Variants in BMP6 observed in about 807,000 individuals in gnomAD.
BMP6 encodes the protein VG-1-R.
BMP6 carries 17 observed loss-of-function variants against 54.1 expected under a neutral mutation model. The observed-to-expected ratio is 0.31, with a 90% CI of 0.22 to 0.47. The LOEUF (loss-of-function observed/expected upper bound fraction) is 0.47, where lower values mean the gene tolerates loss of function less well. Ranked by LOEUF, BMP6 falls within the 20% of genes least tolerant of loss-of-function variation. BMP6 has a pLI of 1.00. For missense variants in BMP6, 720 were observed against 690.4 expected, an observed-to-expected ratio of 1.04 and a Z score of -0.48; for synonymous variants, 328 against 291.2, an observed-to-expected ratio of 1.13 and a Z score of -1.28.
At position 7,813,111 on chromosome 6, in the gene BMP6, ATATATATATATATATATATATAT is replaced by A. The variant is rs1758462589; in HGVS notation, c.665-32028_665-32006del. Among the ~76,000 whole-genome samples the A allele has an allele frequency of 2.2e-4, 9 of 40,222 alleles. 1 individual carries two copies. The highest frequency in any genetic ancestry group is 1.3e-4 in the Non-Finnish European group (3 of 22,318). The allele number at this position is 40,222 out of a possible 152,430, so 26.4% of individuals were successfully genotyped here. On this transcript the variant is annotated intron_variant, in intron 1 of 6. Transcript: ENST00000283147. ...CAAAAAAAAAAAAAAAAAAAAAAAT[ATATATATATATATATATATATAT>A]ATATATATATATATAAAATTAGTGG...
intron 1 of BMP6, among the ~76,000 whole-genome samples, chr6:7,768,554 G>T (rs1434686077): frequency 2.0e-5 from 3 of 152,108 alleles, no homozygotes; most frequent in African/African-American, 7.2e-5. Context: ...CTGAGCATGG[G>T]TCTCAAGCCT....
intron 1 of BMP6, among the ~76,000 whole-genome samples, chr6:7,838,921 G>A (rs1758920722): frequency 7.4e-6 from 1 of 135,594 alleles, no homozygotes; most frequent in African/African-American, 2.8e-5. Context: ...CAGCCTGGGT[G>A]ACAGAGCGAG....
At chr6:7,746,148 G>A (rs1340654911) in intron 1 of BMP6, among the ~76,000 whole-genome samples, 3 of 152,146 alleles carry the variant, frequency 2.0e-5, no homozygotes, top group Non-Finnish European at 4.4e-5. Context: ...ATGGTGCTGC[G>A]GGAGCCCTGA....
intron 1 of BMP6, among the ~76,000 whole-genome samples, chr6:7,781,813 A>G (rs1337142697): frequency 2.6e-5 from 4 of 151,620 alleles, no homozygotes; most frequent in South Asian, 2.1e-4. Flanking sequence ...CAGAGGCCCC[A>G]TGTCAGTGGG....
chr6:7,741,324 G>A (rs1319619888), intron 1 of BMP6, among the ~76,000 whole-genome samples: 2 of 151,968 alleles, frequency 1.3e-5, no homozygotes, highest in Non-Finnish European at 2.9e-5. Flanking sequence ...TAGAGACAGG[G>A]CCTCTCTGTC....
At chr6:7,748,053 G>A (rs1252250540) in intron 1 of BMP6, among the ~76,000 whole-genome samples, 1 of 152,132 alleles carries the variant, frequency 6.6e-6, no homozygotes, top group African/African-American at 2.4e-5. Flanking sequence ...TTTATACAGG[G>A]CTTTGTTCCC....
At chr6:7,857,413 G>A (rs1441950162) in intron 2 of BMP6, among the ~76,000 whole-genome samples, 2 of 152,176 alleles carry the variant, frequency 1.3e-5, no homozygotes, top group East Asian at 3.9e-4. Flanking sequence ...CAAATGTAGG[G>A]TCTGAGTTAG....
intron 1 of BMP6, among the ~76,000 whole-genome samples, chr6:7,773,992 C>T (rs1757825817): frequency 6.6e-6 from 1 of 152,236 alleles, no homozygotes; most frequent in African/African-American, 2.4e-5. Flanking sequence ...ACCATCACCT[C>T]TGTTATTTCC....
chr6:7,784,524 G>T (rs1185833411), intron 1 of BMP6, among the ~76,000 whole-genome samples: 1 of 152,122 alleles, frequency 6.6e-6, no homozygotes, highest in Non-Finnish European at 1.5e-5. Flanking sequence ...GCAAAATAAA[G>T]CTTCTCTGTG....
At chr6:7,756,243 A>G (rs1757513173) in intron 1 of BMP6, among the ~76,000 whole-genome samples, 1 of 151,922 alleles carries the variant, frequency 6.6e-6, no homozygotes, top group Non-Finnish European at 1.5e-5. Context: ...GCAAGTTTCT[A>G]TTGCTAAGAC....
intron 1 of BMP6, among the ~76,000 whole-genome samples, chr6:7,837,430 T>C (rs900494514): frequency 1.5e-4 from 23 of 152,080 alleles, no homozygotes; most frequent in Non-Finnish European, 5.9e-5. Flanking sequence ...GAAACAACCA[T>C]AGATAGAGCA....
chr6:7,747,851 G>T (rs1358336166), intron 1 of BMP6, among the ~76,000 whole-genome samples: 1 of 150,902 alleles, frequency 6.6e-6, no homozygotes, highest in Admixed American at 6.6e-5. Flanking sequence ...TCTCCATGTT[G>T]CCCAGGCTGG....
intron 1 of BMP6, among the ~76,000 whole-genome samples, chr6:7,829,118 C>T (rs1294153321): frequency 1.3e-5 from 2 of 152,212 alleles, no homozygotes; most frequent in African/African-American, 2.4e-5. Flanking sequence ...ATAGCCCCAT[C>T]GTCATGGTCA....
At chr6:7,815,474 T>A (rs148332826) in intron 1 of BMP6, among the ~76,000 whole-genome samples, 1,571 of 152,348 alleles carry the variant, frequency 0.01, 23 homozygotes, top group African/African-American at 0.036. Flanking sequence ...AAAAAGCTTA[T>A]CACTGTGCTT....
intron 2 of BMP6, among the ~76,000 whole-genome samples, chr6:7,853,159 T>C (rs1195659709): frequency 6.6e-6 from 1 of 152,158 alleles, no homozygotes; most frequent in African/African-American, 2.4e-5. Context: ...TTGACCCATC[T>C]AGTGTTGCCT....
intron 1 of BMP6, among the ~76,000 whole-genome samples, chr6:7,785,509 G>C (rs559769554): frequency 6.6e-6 from 1 of 152,162 alleles, no homozygotes; most frequent in Admixed American, 6.5e-5. Flanking sequence ...TGGGAAAGGC[G>C]TCCTTCACTG....
At chr6:7,828,402 C>T (rs1008689394) in intron 1 of BMP6, among the ~76,000 whole-genome samples, 1 of 152,236 alleles carries the variant, frequency 6.6e-6, no homozygotes, top group African/African-American at 2.4e-5. Flanking sequence ...GATGTTCGTG[C>T]ACCCTGCGGT....
intron 1 of BMP6, among the ~76,000 whole-genome samples, chr6:7,816,373 G>A (rs767959172): frequency 3.3e-5 from 5 of 152,118 alleles, no homozygotes; most frequent in Non-Finnish European, 5.9e-5. Context: ...CAGCTTGGGG[G>A]TCAAAAAAAC....
At chr6:7,818,368 C>T (rs1052417415) in intron 1 of BMP6, among the ~76,000 whole-genome samples, 4 of 152,090 alleles carry the variant, frequency 2.6e-5, no homozygotes, top group African/African-American at 9.7e-5. Context: ...TTTAATACTC[C>T]CTGTAGAATC....
Sources: gnomAD v4.1 joint callset for allele counts (sites outside exome capture counted in the v4.1 genomes callset) on GRCh38, gnomAD v4.1.1 for gene constraint, MANE v1.5 for transcripts, NCBI Gene and HGNC (gene_info 2026-07-23, HGNC 2026-07-21) for gene names.